The following STRN variants were observed in gnomAD, a reference collection of about 807,000 sequenced individuals.
The protein encoded by STRN is protein phosphatase 2 regulatory subunit B'''alpha.
STRN carries 53 observed loss-of-function variants against 96.3 expected under a neutral mutation model. That is an observed-to-expected ratio of 0.55 (90% CI 0.44 to 0.69). The LOEUF (loss-of-function observed/expected upper bound fraction) is 0.69. STRN is among the 30% of genes least tolerant of loss of function. The probability of loss-of-function intolerance (pLI) is 0.00; values close to 1 mark genes in which losing one functional copy is unlikely to be tolerated. For missense variants in STRN, 987 were observed against 963.9 expected, an observed-to-expected ratio of 1.02 and a Z score of -0.32; for synonymous variants, 428 against 355.9, an observed-to-expected ratio of 1.20 and a Z score of -2.28.
At chr2:36,862,737 ATTCT>A in intron 12 of STRN, among the ~76,000 whole-genome samples, 1 of 147,450 alleles carries the variant, frequency 6.8e-6, no homozygotes, top group East Asian at 2.0e-4. Context: ...GGTTGTTTTT[ATTCT>A]TTTTTTTTTT....
intron 7 of STRN, among the ~76,000 whole-genome samples, chr2:36,889,627 T>TG (rs1441506148): frequency 2.4e-5 from 1 of 41,288 alleles, no homozygotes; most frequent in South Asian, 1.0e-3. Context: ...TTGGGGGGGG[T>TG]GGGGGGGAGT....
At chr2:36,915,232 A>AATATATAT (rs72466696) in intron 3 of STRN, among the ~76,000 whole-genome samples, 998 of 86,248 alleles carry the variant, frequency 0.012, 24 homozygotes, top group East Asian at 0.029. Flanking sequence ...TGAATACATA[A>AATATATAT]ATATATATAT....
intron 4 of STRN, among the ~76,000 whole-genome samples, chr2:36,903,686 A>G (rs1283713549): frequency 6.6e-6 from 1 of 152,238 alleles, no homozygotes; most frequent in East Asian, 1.9e-4. Flanking sequence ...GGTCTTAGTT[A>G]TTATAGCTGA....
intron 1 of STRN, among the ~76,000 whole-genome samples, chr2:36,961,083 A>C (rs1006777507): frequency 7.4e-6 from 1 of 135,624 alleles, no homozygotes; most frequent in Admixed American, 7.7e-5. Flanking sequence ...TTTTTTGTAG[A>C]GATGGGGCTT....
At chr2:36,964,737 C>G (rs568632686) in intron 1 of STRN, among the ~76,000 whole-genome samples, 2 of 152,318 alleles carry the variant, frequency 1.3e-5, no homozygotes, top group African/African-American at 4.8e-5. Context: ...CACGCTATTC[C>G]TGAACTCTGA....
At chr2:36,912,800 G>A (rs1400559190) in intron 3 of STRN, among the ~76,000 whole-genome samples, 1 of 152,096 alleles carries the variant, frequency 6.6e-6, no homozygotes, top group Non-Finnish European at 1.5e-5. Context: ...GGTTACCTAA[G>A]AAATAAATCC....
intron 2 of STRN, among the ~76,000 whole-genome samples, chr2:36,919,695 G>C (rs933825869): frequency 6.6e-6 from 1 of 152,132 alleles, no homozygotes; most frequent in South Asian, 2.1e-4. Context: ...TATGGAAGAC[G>C]AATTAAAATA....
rs145968597 is a variant in STRN, at chr2:36,901,169, A to G, written c.659+1415T>C. Among the ~76,000 whole-genome samples the G allele has an allele frequency of 3.0e-3, 457 of 152,306 alleles. 4 individuals are homozygous for G. Among genetic ancestry groups the G allele is most frequent in the African/African-American group, 0.01 (422 of 41,570 alleles). On this transcript the variant is annotated intron_variant, in intron 5 of 17. Coordinates refer to ENST00000263918, the MANE Select transcript of STRN (RefSeq NM_003162.4). ...CAACAGTATCTTTGTCATTCTTAAA[A>G]GACAAATCAAGGCCAAAACACACAA...
At chr2:36,853,977 C>T (rs965710811) in intron 15 of STRN, among the ~76,000 whole-genome samples, 2 of 152,098 alleles carry the variant, frequency 1.3e-5, no homozygotes, top group Non-Finnish European at 2.9e-5. Context: ...AAAATGTTTC[C>T]AGTGTCAAGT....
At chr2:36,953,677 C>T (rs1664814255) in intron 1 of STRN, among the ~76,000 whole-genome samples, 1 of 152,200 alleles carries the variant, frequency 6.6e-6, no homozygotes, top group South Asian at 2.1e-4. Context: ...GCTGGGATTA[C>T]AGGCGTGAGC....
chr2:36,857,083 T>C lies in STRN; in HGVS notation c.1837+773A>G, dbSNP rs868080845. 6.0e-5 allele frequency among the ~76,000 whole-genome samples: 9 copies of C among 149,238 alleles called. No homozygotes were observed. The South Asian group carries it at 1.3e-3, about 21-fold the overall frequency. On this transcript the variant is annotated intron_variant, in intron 14 of 17. Transcript: ENST00000263918. ...ATAGTGGTACGAGAATGGGCAAATA[T>C]AGTCTTTTTTTTTTTTAAAGAAAAT... is the stretch of plus-strand genomic sequence containing the variant.
In STRN at chr2:36,872,263, G is replaced by C. The variant is rs566369818; in HGVS notation, c.1324-2534C>G. On this transcript the variant is annotated intron_variant, in intron 10 of 17. Coordinates refer to ENST00000263918, the MANE Select transcript of STRN (RefSeq NM_003162.4). Reference sequence around the variant, plus strand: ...TCTCTTTTCACATGCACTCACACTGGGGGGAGCCAGCTGCCATGCTGAAAA... The same window carrying C: ...TCTCTTTTCACATGCACTCACACTGCGGGGAGCCAGCTGCCATGCTGAAAA... 3.9e-5 allele frequency among the ~76,000 whole-genome samples: 6 copies of C among 152,268 alleles called. No individual in the cohort carries two copies. In the East Asian group the frequency reaches 7.7e-4, roughly 20 times the overall value.
intron 1 of STRN, among the ~76,000 whole-genome samples, chr2:36,932,407 G>T (rs901463704): frequency 6.6e-6 from 1 of 151,986 alleles, no homozygotes; most frequent in Admixed American, 6.6e-5. Context: ...TGCCTGCCTC[G>T]GCCTCCCAAA....
intron 1 of STRN, among the ~76,000 whole-genome samples, chr2:36,927,886 T>C (rs1026407107): frequency 6.6e-6 from 1 of 152,208 alleles, no homozygotes; most frequent in Non-Finnish European, 1.5e-5. Flanking sequence ...CCTTCAAATA[T>C]ATATTTGCAC....
At position 36,893,900 on chromosome 2, in the gene STRN, C is replaced by A. The variant is rs933003016; in HGVS notation, c.929G>T (p.Trp310Leu). The A allele has an allele frequency of 2.5e-6, 4 of 1,604,812 alleles. No homozygotes were observed. The African/African-American group carries it at 5.4e-5, about 22-fold the overall frequency. The change falls in exon 7 of 18, where the codon TGG (tryptophan) becomes TTG (leucine). Residue 310 changes from tryptophan to leucine, a missense_variant and splice_region_variant. Transcript: ENST00000263918. ...ESRSAGDGTD[W>L]EKEDQCLMPE... ...TTGGATCCAGTATGCTTCCTTACCC[C>A]AGTCTGTTCCATCGCCTGCACTTCT...
intron 3 of STRN, among the ~76,000 whole-genome samples, chr2:36,906,465 A>ATGAATGAATGAC (rs1198528086): frequency 2.7e-5 from 4 of 150,354 alleles, no homozygotes; most frequent in African/African-American, 1.0e-4. Context: ...TCTCAAAACA[A>ATGAATGAATGAC]TGAATGAATG....
intron 3 of STRN, among the ~76,000 whole-genome samples, chr2:36,910,376 A>G (rs1669935797): frequency 6.6e-6 from 1 of 152,272 alleles, no homozygotes; most frequent in South Asian, 2.1e-4. Context: ...AAGACAAAAG[A>G]CTGCTGGAAA....
chr2:36,962,612 C>T (rs1039967260), intron 1 of STRN, among the ~76,000 whole-genome samples: 11 of 151,910 alleles, frequency 7.2e-5, no homozygotes, highest in African/African-American at 2.2e-4. Flanking sequence ...CTGCAACCTC[C>T]GCCTCCCAGG....
chr2:36,879,345 C>A (rs1669007113), intron 9 of STRN, among the ~76,000 whole-genome samples: 1 of 152,254 alleles, frequency 6.6e-6, no homozygotes, highest in African/African-American at 2.4e-5. Flanking sequence ...GCTGGGGATA[C>A]AGGCGTGAGC....
Sources: gnomAD v4.1 joint callset for allele counts (sites outside exome capture counted in the v4.1 genomes callset) on GRCh38, gnomAD v4.1.1 for gene constraint, MANE v1.5 for transcripts, NCBI Gene and HGNC (gene_info 2026-07-23, HGNC 2026-07-21) for gene names.